OR1L8: variants seen among roughly 807,000 people sequenced by gnomAD.
The protein encoded by OR1L8 is olfactory receptor family 1 subfamily L member 8.
For synonymous variants in OR1L8, 148 were observed against 147.0 expected, an observed-to-expected ratio of 1.01 and a Z score of -0.05; for missense variants, 330 against 377.4, an observed-to-expected ratio of 0.87 and a Z score of 1.04.
chr9:122,571,897 G>A (rs1829560201), intron 4 of OR1L8, among the ~76,000 whole-genome samples: 1 of 152,058 alleles, frequency 6.6e-6, no homozygotes, highest in East Asian at 1.9e-4. Context: ...TTCTTACACT[G>A]CTATAAAGAA....
the OR1L8 span, among the ~76,000 whole-genome samples, chr9:122,559,867 C>G: frequency 6.6e-5 from 10 of 152,280 alleles, no homozygotes; most frequent in South Asian, 2.1e-4. Flanking sequence ...GAGCTGAGTT[C>G]AAGTCCTGAA....
rs927138622 is a variant in OR1L8 at position 122,568,026 on chromosome 9, G to T, written c.452C>A (p.Ser151Ter). 2 of 1,614,090 alleles carry T rather than the reference G, an allele frequency of 1.2e-6. No homozygotes were observed. Among genetic ancestry groups the T allele is most frequent in the South Asian group, 2.2e-5 (2 of 91,082 alleles). Residue 151 changes from serine to a stop codon, truncating the protein, a stop_gained, in exon 5 of 5, where the codon TCA (serine) becomes TAA (stop). Coordinates refer to ENST00000641027, the MANE Select transcript of OR1L8 (RefSeq NM_001004454.2). LOFTEE classifies it low-confidence loss of function (END_TRUNC). ...HCVLLVAFSC[S>*]FPHLHSLLHT... ...CAGGAGTGAGTGGAGGTGAGGAAAT[G>T]AGCAGGAGAAGGCCACCAGCAGGAC...
downstream of OR1L8, among the ~76,000 whole-genome samples, chr9:122,565,333 C>T (rs1829411026): frequency 6.6e-6 from 1 of 152,180 alleles, no homozygotes; most frequent in Non-Finnish European, 1.5e-5. Context: ...AGCATGACCT[C>T]AGAAGGGGAG....
the OR1L8 span, among the ~76,000 whole-genome samples, chr9:122,555,087 C>T: frequency 6.6e-6 from 1 of 151,914 alleles, no homozygotes; most frequent in South Asian, 2.1e-4. Flanking sequence ...TGTTTTGAAA[C>T]ATGTAGATAT....
the OR1L8 span, among the ~76,000 whole-genome samples, chr9:122,547,332 C>G: frequency 9.4e-4 from 143 of 152,058 alleles, 3 homozygotes; most frequent in East Asian, 0.025. Flanking sequence ...AAAGGAAATG[C>G]AAGTTTTAAA....
At chr9:122,581,331 A>C (rs1588221556) in intron 1 of OR1L8, among the ~76,000 whole-genome samples, 1 of 152,188 alleles carries the variant, frequency 6.6e-6, no homozygotes, top group Middle Eastern at 3.4e-3. Flanking sequence ...GCGCCACTGC[A>C]CTCCAGCCTG....
At chr9:122,582,922 A>G (rs1829755861) in intron 1 of OR1L8, among the ~76,000 whole-genome samples, 1 of 152,148 alleles carries the variant, frequency 6.6e-6, no homozygotes. Context: ...AGCAATTTAG[A>G]TACAGCTCAA....
At chr9:122,548,867 A>G in the OR1L8 span, among the ~76,000 whole-genome samples, 1 of 151,380 alleles carries the variant, frequency 6.6e-6, no homozygotes, top group Non-Finnish European at 1.5e-5. Flanking sequence ...TCTGAACATT[A>G]GTCTTCTGTC....
At chr9:122,563,851 C>G (rs1829388677), downstream of OR1L8, among the ~76,000 whole-genome samples, 1 of 144,570 alleles carries the variant, frequency 6.9e-6, no homozygotes, top group Non-Finnish European at 1.5e-5. Flanking sequence ...TTTATAACAT[C>G]ATATATTGAA....
At chr9:122,573,626 G>A (rs555287723) in intron 3 of OR1L8, among the ~76,000 whole-genome samples, 1 of 152,264 alleles carries the variant, frequency 6.6e-6, no homozygotes, top group Admixed American at 6.5e-5. Context: ...AGAGTTATTT[G>A]TGTATTTTGA....
intron 4 of OR1L8, among the ~76,000 whole-genome samples, chr9:122,569,123 A>G (rs561780954): frequency 6.6e-6 from 1 of 152,192 alleles, no homozygotes; most frequent in African/African-American, 2.4e-5. Context: ...AACGCAGTCA[A>G]TAGAGTGATT....
At chr9:122,572,145 A>G (rs1344950441) in intron 4 of OR1L8, among the ~76,000 whole-genome samples, 1 of 152,200 alleles carries the variant, frequency 6.6e-6, no homozygotes, top group Admixed American at 6.5e-5. Flanking sequence ...CTAACATGAT[A>G]CTAGCACCAG....
chr9:122,554,153 C>A, the OR1L8 span: 18 of 1,609,848 alleles, frequency 1.1e-5, no homozygotes, highest in Non-Finnish European at 1.4e-5. Context: ...GAAAAACATT[C>A]TTTTTATGAT....
chr9:122,553,967 G>C, the OR1L8 span: 1 of 1,613,726 alleles, frequency 6.2e-7, no homozygotes, highest in Non-Finnish European at 8.5e-7. Flanking sequence ...CGGTGGTTCT[G>C]CTCTTCTATG....
chr9:122,580,299 T>C (rs976245012), intron 1 of OR1L8, among the ~76,000 whole-genome samples: 1 of 151,854 alleles, frequency 6.6e-6, no homozygotes, highest in African/African-American at 2.4e-5. Context: ...GGACTCTAAC[T>C]GTAAAGAATT....
intron 4 of OR1L8, among the ~76,000 whole-genome samples, chr9:122,571,336 G>A (rs896186540): frequency 6.6e-6 from 1 of 152,060 alleles, no homozygotes; most frequent in South Asian, 2.1e-4. Context: ...CGGATCACAA[G>A]GTCAGGAGAT....
chr9:122,582,867 T>C (rs1463522858), intron 1 of OR1L8, among the ~76,000 whole-genome samples: 2 of 151,784 alleles, frequency 1.3e-5, no homozygotes, highest in Admixed American at 6.6e-5. Flanking sequence ...TAAAAATCTC[T>C]AGAAATAAAA....
downstream of OR1L8, among the ~76,000 whole-genome samples, chr9:122,565,990 T>C (rs4837992): frequency 0.27 from 41,435 of 152,054 alleles, 5,822 homozygotes; most frequent in Middle Eastern, 0.35. Flanking sequence ...TGTTTGGTGT[T>C]AGGGATCTAT....
At chr9:122,555,973 A>G in the OR1L8 span, among the ~76,000 whole-genome samples, 1 of 152,208 alleles carries the variant, frequency 6.6e-6, no homozygotes, top group Non-Finnish European at 1.5e-5. Context: ...ATTCATCATT[A>G]TAGTATCATA....
Sources: gnomAD v4.1 joint callset for allele counts (sites outside exome capture counted in the v4.1 genomes callset) on GRCh38, gnomAD v4.1.1 for gene constraint, MANE v1.5 for transcripts, NCBI Gene and HGNC (gene_info 2026-07-23, HGNC 2026-07-21) for gene names.